The following CEP112 variants were observed in gnomAD, a reference collection of about 807,000 sequenced individuals.
CEP112 encodes centrosomal protein of 112 kDa.
In CEP112, 127 loss-of-function variants were observed where a neutral mutation model predicts 153.0. The ratio of observed to expected loss-of-function variants is 0.83; its 90% CI spans 0.72 to 0.96. The LOEUF is 0.96. Among genes scored for constraint, CEP112 ranks in the 40% least tolerant of loss-of-function variants. The pLI is 0.00. For synonymous variants in CEP112, 358 were observed against 374.4 expected, an observed-to-expected ratio of 0.96 and a Z score of 0.51; for missense variants, 1,089 against 1,101.2, an observed-to-expected ratio of 0.99 and a Z score of 0.16.
At chr17:66,168,196 A>C (rs9905551) in intron 4 of CEP112, among the ~76,000 whole-genome samples, 42,830 of 151,926 alleles carry the variant, frequency 0.28, 6,295 homozygotes, top group Non-Finnish European at 0.32. Flanking sequence ...AAACTAGTCC[A>C]AATCCCTAAA....
chr17:65,852,725 G>A (rs1415993464), intron 20 of CEP112, among the ~76,000 whole-genome samples: 1 of 151,670 alleles, frequency 6.6e-6, no homozygotes, highest in Non-Finnish European at 1.5e-5. Context: ...TTCATCCAGT[G>A]TTCCCTATTG....
intron 25 of CEP112, 139 bp downstream of exon 25, chr17:65,640,825 T>C (rs2045091343): frequency 3.4e-6 from 2 of 584,572 alleles, no homozygotes; most frequent in Admixed American, 3.1e-5. Flanking sequence ...TAAAACAAAA[T>C]GAAAATTTAT....
intron 19 of CEP112, among the ~76,000 whole-genome samples, chr17:65,923,945 T>C (rs1178710078): frequency 6.6e-6 from 1 of 152,136 alleles, no homozygotes; most frequent in African/African-American, 2.4e-5. Flanking sequence ...TTTTAATAAG[T>C]ATATAGTATT....
At chr17:65,880,259 T>C (rs922215603) in intron 20 of CEP112, among the ~76,000 whole-genome samples, 3 of 152,208 alleles carry the variant, frequency 2.0e-5, no homozygotes, top group Non-Finnish European at 4.4e-5. Flanking sequence ...AATAGTTCTG[T>C]TTCTTGATTT....
Position 65,635,880 on chromosome 17 carries a change from C to T in CEP112, c.*91G>A. On this transcript the variant is annotated 3_prime_UTR_variant, in exon 27 of 27. Coordinates refer to ENST00000535342, the MANE Select transcript of CEP112 (RefSeq NM_001199165.4). ...TAAGGATTTAAAAAATGCCACTGATCTCACAGTTTACAATATCCAAATCTT... is the reference window on the plus strand; with the variant it reads ...TAAGGATTTAAAAAATGCCACTGATTTCACAGTTTACAATATCCAAATCTT... 1 of 1,353,046 alleles carries T rather than the reference C, an allele frequency of 7.4e-7. No individual in the cohort carries two copies. The highest frequency in any genetic ancestry group is 1.0e-6 in the Non-Finnish European group (1 of 970,430). The allele number at this position is 1,353,046 out of a possible 1,614,324, so 83.8% of individuals were successfully genotyped here.
chr17:66,121,065 G>C (rs574502188), intron 6 of CEP112, among the ~76,000 whole-genome samples: 129 of 152,158 alleles, frequency 8.5e-4, no homozygotes, highest in African/African-American at 2.9e-3. Flanking sequence ...GATCGCCTGA[G>C]GTTGGGAGTT....
At chr17:65,772,575 T>TACACACACACACAC (rs34758953) in intron 21 of CEP112, among the ~76,000 whole-genome samples, 1 of 133,412 alleles carries the variant, frequency 7.5e-6, no homozygotes, top group Non-Finnish European at 1.5e-5. Flanking sequence ...CTCTATTTAT[T>TACACACACACACAC]ACACACACAC....
At chr17:65,956,316 G>C (rs181536570) in intron 18 of CEP112, among the ~76,000 whole-genome samples, 11 of 151,910 alleles carry the variant, frequency 7.2e-5, no homozygotes, top group African/African-American at 2.7e-4. Context: ...GTTTATAGCA[G>C]CACAATTTGT....
intron 20 of CEP112, among the ~76,000 whole-genome samples, chr17:65,869,579 C>CT (rs55675305): frequency 2.5e-5 from 3 of 120,236 alleles, no homozygotes; most frequent in Admixed American, 8.5e-5. Context: ...GATAAACTTT[C>CT]TTTTTTTTTT....
chr17:65,821,469 A>G (rs1287778985), intron 21 of CEP112, among the ~76,000 whole-genome samples: 6 of 140,460 alleles, frequency 4.3e-5, no homozygotes, highest in Non-Finnish European at 1.5e-5. Flanking sequence ...TTAAAAAATT[A>G]TCAAATTATT....
intron 8 of CEP112, among the ~76,000 whole-genome samples, chr17:66,072,687 C>T (rs1343623679): frequency 5.3e-5 from 8 of 152,130 alleles, no homozygotes; most frequent in Non-Finnish European, 8.8e-5. Context: ...CAGTGAGCAC[C>T]AAGTTACTCT....
chr17:65,802,646 C>T (rs2055349270), intron 21 of CEP112, among the ~76,000 whole-genome samples: 3 of 152,264 alleles, frequency 2.0e-5, no homozygotes, highest in South Asian at 4.1e-4. Context: ...TATCTTATCA[C>T]ATTATACATA....
At chr17:66,161,638 A>C (rs781498700) in intron 4 of CEP112, among the ~76,000 whole-genome samples, 2 of 152,100 alleles carry the variant, frequency 1.3e-5, no homozygotes, top group Non-Finnish European at 2.9e-5. Context: ...GAACATGAGA[A>C]CACATGGACA....
At chr17:65,740,703 G>A (rs541032715) in intron 23 of CEP112, among the ~76,000 whole-genome samples, 2 of 152,232 alleles carry the variant, frequency 1.3e-5, no homozygotes, top group Admixed American at 6.5e-5. Context: ...TAGCATGCAC[G>A]CTACTTTTAT....
At chr17:65,972,302 A>G (rs1024361545) in intron 17 of CEP112, among the ~76,000 whole-genome samples, 39 of 152,238 alleles carry the variant, frequency 2.6e-4, no homozygotes, top group Non-Finnish European at 1.5e-4. Context: ...CAGCCCATGG[A>G]CCAAAGAAAA....
intron 20 of CEP112, among the ~76,000 whole-genome samples, chr17:65,886,092 T>C (rs1402078479): frequency 6.6e-6 from 1 of 152,176 alleles, no homozygotes; most frequent in Non-Finnish European, 1.5e-5. Context: ...CTTTTCCCTT[T>C]AAAGTCCCGC....
intron 1 of CEP112, among the ~76,000 whole-genome samples, chr17:66,190,864 C>T (rs879457923): frequency 3.9e-5 from 6 of 152,200 alleles, no homozygotes; most frequent in Non-Finnish European, 7.4e-5. Context: ...TCATTCATAT[C>T]ACACTCCTTG....
intron 17 of CEP112, among the ~76,000 whole-genome samples, chr17:65,981,561 G>A (rs905039486): frequency 1.0e-4 from 12 of 115,360 alleles, no homozygotes; most frequent in East Asian, 7.8e-4. Context: ...TTTCTCAGTC[G>A]TGGTTTTTGA....
intron 24 of CEP112, among the ~76,000 whole-genome samples, chr17:65,683,144 C>T (rs1478713036): frequency 6.6e-6 from 1 of 152,094 alleles, no homozygotes; most frequent in Non-Finnish European, 1.5e-5. Flanking sequence ...TGGGACTCTG[C>T]AGCCCACGAG....
Sources: gnomAD v4.1 joint callset for allele counts (sites outside exome capture counted in the v4.1 genomes callset) on GRCh38, gnomAD v4.1.1 for gene constraint, MANE v1.5 for transcripts, NCBI Gene and HGNC (gene_info 2026-07-23, HGNC 2026-07-21) for gene names.